SRGAP3: variants seen among roughly 807,000 people sequenced by gnomAD.
SRGAP3 encodes the protein SLIT-ROBO Rho GTPase-activating protein 3.
In SRGAP3, 39 loss-of-function variants were observed where a neutral mutation model predicts 121.1. That is an observed-to-expected ratio of 0.32 (90% confidence interval 0.25 to 0.42). The LOEUF is 0.42. SRGAP3 is among the 10% of genes least tolerant of loss of function. The pLI is 1.00. For missense variants in SRGAP3, 1,213 were observed against 1,470.6 expected (o/e 0.82, Z 2.86); for synonymous variants, 601 against 570.0 (o/e 1.05, Z -0.77).
intron 1 of SRGAP3, among the ~76,000 whole-genome samples, chr3:9,137,970 C>T (rs1048293890): frequency 5.9e-5 from 9 of 152,270 alleles, no homozygotes; most frequent in African/African-American, 2.2e-4. Flanking sequence ...GTTTTGCTGC[C>T]CAATGGTCCC....
intron 1 of SRGAP3, among the ~76,000 whole-genome samples, chr3:9,346,473 T>C (rs534485417): frequency 2.3e-4 from 35 of 152,286 alleles, no homozygotes; most frequent in Middle Eastern, 3.4e-3. Context: ...TTGGTTGTTA[T>C]TTTGTTCCTC....
chr3:9,225,880 G>A (rs1017939889), intron 1 of SRGAP3, among the ~76,000 whole-genome samples: 7 of 151,844 alleles, frequency 4.6e-5, no homozygotes, highest in African/African-American at 1.2e-4. Flanking sequence ...AAAGCCCAGC[G>A]CTGCCAGACC....
At chr3:9,277,202 C>T (rs1574965721) in intron 3 of SRGAP3, among the ~76,000 whole-genome samples, 1 of 152,284 alleles carries the variant, frequency 6.6e-6, no homozygotes, top group East Asian at 1.9e-4. Context: ...CTCACAAAAA[C>T]CTTGCAAGAC....
chr3:9,248,003 T>C (rs1953883976), intron 1 of SRGAP3, among the ~76,000 whole-genome samples: 1 of 152,254 alleles, frequency 6.6e-6, no homozygotes, highest in Non-Finnish European at 1.5e-5. Flanking sequence ...TTGTGTTCCC[T>C]TTCCTATTTC....
intron 3 of SRGAP3, among the ~76,000 whole-genome samples, chr3:9,260,936 C>T (rs1954241181): frequency 1.3e-5 from 2 of 152,202 alleles, no homozygotes; most frequent in African/African-American, 4.8e-5. Flanking sequence ...TTGACAGACA[C>T]CTTATACAGG....
chr3:9,256,667 C>T (rs762111958), intron 3 of SRGAP3: 3 of 395,702 alleles, frequency 7.6e-6, no homozygotes, highest in Non-Finnish European at 1.3e-5. Context: ...CTCCCCATCC[C>T]TCATCCACTC....
At chr3:9,216,502 G>A (rs1422909568) in intron 1 of SRGAP3, 1 of 152,680 alleles carries the variant, frequency 6.5e-6, no homozygotes, top group Non-Finnish European at 1.5e-5. Flanking sequence ...CTACACTTCA[G>A]GCTGGCAAAG....
chr3:9,299,747 TA>T (rs2125273984), intron 3 of SRGAP3, among the ~76,000 whole-genome samples: 1 of 152,052 alleles, frequency 6.6e-6, no homozygotes, highest in East Asian at 1.9e-4. Flanking sequence ...CCATCTCCAC[TA>T]AAAATACAAA....
intron 1 of SRGAP3, among the ~76,000 whole-genome samples, chr3:9,141,407 G>A (rs1949841704): frequency 6.6e-6 from 1 of 152,150 alleles, no homozygotes; most frequent in South Asian, 2.1e-4. Flanking sequence ...TGCATGGGAT[G>A]GAAAGCCACT....
chr3:9,025,883 A>T (rs576162667), intron 13 of SRGAP3, among the ~76,000 whole-genome samples: 1 of 152,164 alleles, frequency 6.6e-6, no homozygotes, highest in Non-Finnish European at 1.5e-5. Context: ...CTGTTTTTCT[A>T]TATAAAACAA....
chr3:9,024,155 T>C (rs1944068538), intron 14 of SRGAP3, among the ~76,000 whole-genome samples: 1 of 152,136 alleles, frequency 6.6e-6, no homozygotes, highest in African/African-American at 2.4e-5. Context: ...TGGGATGTTA[T>C]GTACTGCAAG....
At chr3:9,027,122 AG>A in intron 12 of SRGAP3, 127 bp from the exon 13 acceptor site, 1 of 870,498 alleles carries the variant, frequency 1.1e-6, no homozygotes, top group South Asian at 1.3e-5. Flanking sequence ...AAAACAAGCA[AG>A]GAACTGCTAA....
chr3:9,318,105 T>C (rs759142643), intron 3 of SRGAP3, among the ~76,000 whole-genome samples: 14 of 152,196 alleles, frequency 9.2e-5, no homozygotes, highest in Non-Finnish European at 2.1e-4. Context: ...GCCTCCAGGT[T>C]CTCGGTGTTT....
intron 1 of SRGAP3, among the ~76,000 whole-genome samples, chr3:9,142,097 C>A (rs1949874813): frequency 6.6e-6 from 1 of 152,208 alleles, no homozygotes; most frequent in African/African-American, 2.4e-5. Context: ...TCCAGCCCTG[C>A]CTCAAGGCAT....
chr3:9,200,722 T>C (rs954582141), intron 1 of SRGAP3, among the ~76,000 whole-genome samples: 2 of 152,192 alleles, frequency 1.3e-5, no homozygotes. Context: ...AGAATTGTTC[T>C]GCGCAGTCCA....
chr3:9,191,128 G>T (rs1007291136), intron 1 of SRGAP3, among the ~76,000 whole-genome samples: 2 of 152,148 alleles, frequency 1.3e-5, no homozygotes, highest in Non-Finnish European at 2.9e-5. Context: ...TCTGGAGACT[G>T]GGAGAGCATA....
At chr3:9,336,958 C>A (rs778673849) in intron 1 of SRGAP3, among the ~76,000 whole-genome samples, 35 of 152,030 alleles carry the variant, frequency 2.3e-4, no homozygotes, top group Non-Finnish European at 4.3e-4. Context: ...TCTCGAACTC[C>A]TGGCCTCAAG....
intron 21 of SRGAP3, 24 bp downstream of exon 21, chr3:8,990,488 G>A: frequency 6.5e-7 from 1 of 1,549,926 alleles, no homozygotes; most frequent in East Asian, 2.4e-5. Context: ...TGGCTGCCCA[G>A]CCTGCCTTCC....
intron 10 of SRGAP3, among the ~76,000 whole-genome samples, chr3:9,043,751 G>C (rs1025652576): frequency 6.6e-6 from 1 of 152,236 alleles, no homozygotes; most frequent in African/African-American, 2.4e-5. Flanking sequence ...CAGATGGCCT[G>C]GTCCTGGTGG....
Sources: gnomAD v4.1 joint callset for allele counts (sites outside exome capture counted in the v4.1 genomes callset) on GRCh38, gnomAD v4.1.1 for gene constraint, MANE v1.5 for transcripts, NCBI Gene and HGNC (gene_info 2026-07-23, HGNC 2026-07-21) for gene names.